The following MED13L variants were observed in gnomAD, a reference collection of about 807,000 sequenced individuals.
MED13L encodes mediator complex subunit 13L, also known as mediator of RNA polymerase II transcription subunit 13-like.
MED13L carries 7 observed loss-of-function variants against 220.9 expected under a neutral mutation model. The ratio of observed to expected loss-of-function variants is 0.03; its 90% CI spans 0.02 to 0.06. The LOEUF (loss-of-function observed/expected upper bound fraction) is 0.06. MED13L is among the 10% of genes least tolerant of loss of function. The pLI is 1.00. For synonymous variants in MED13L, 1,011 were observed against 1,015.2 expected (o/e 1.00, Z 0.08); for missense variants, 1,965 against 2,760.5 (o/e 0.71, Z 6.46).
At chr12:116,042,582 C>T (rs1268774042) in intron 4 of MED13L, among the ~76,000 whole-genome samples, 6 of 152,138 alleles carry the variant, frequency 3.9e-5, no homozygotes, top group Admixed American at 6.5e-5. Flanking sequence ...CTAGTAAAGC[C>T]ACATATACAT....
chr12:116,145,815 G>C (rs973295662), intron 2 of MED13L, among the ~76,000 whole-genome samples: 2 of 151,812 alleles, frequency 1.3e-5, no homozygotes, highest in African/African-American at 4.8e-5. Context: ...CTAGGTGACA[G>C]CCACTGTGCC....
chr12:116,145,149 C>T (rs1877369126), intron 2 of MED13L, among the ~76,000 whole-genome samples: 1 of 152,160 alleles, frequency 6.6e-6, no homozygotes, highest in South Asian at 2.1e-4. Flanking sequence ...AGCGAAACTT[C>T]CACCTACCAT....
chr12:116,007,802 T>C (rs1413400237), intron 10 of MED13L, 166 bp from the exon 11 acceptor site: 1 of 650,998 alleles, frequency 1.5e-6, no homozygotes, highest in Non-Finnish European at 2.6e-6. Context: ...CAAGAATATA[T>C]GTTTTTGTCT....
intron 1 of MED13L, among the ~76,000 whole-genome samples, chr12:116,244,028 G>C (rs1870880524): frequency 6.6e-6 from 1 of 152,152 alleles, no homozygotes; most frequent in South Asian, 2.1e-4. Flanking sequence ...GGAAACTATT[G>C]AAAGAGTCCT....
chr12:116,133,511 T>A lies in MED13L; in HGVS notation c.311-21999A>T, dbSNP rs531762090. 1.1e-4 allele frequency among the ~76,000 whole-genome samples: 16 copies of A among 152,220 alleles called. 1 individual carries two copies. The South Asian group carries it at 2.1e-3, about 20-fold the overall frequency. On this transcript the variant is annotated intron_variant, in intron 2 of 30. Coordinates refer to ENST00000281928, the MANE Select transcript of MED13L (RefSeq NM_015335.5). ...TAACGGGCTCTAGGACCATGGTAAC[T>A]CATGTGAGGCCCCTAGATATAGGCA...
At position 116,149,793 on chromosome 12, in the gene MED13L, G is replaced by A. The variant is rs188508742; in HGVS notation, c.311-38281C>T. The stretch of plus-strand genomic sequence containing the variant: ...CATTGAGAATGGTTTGGCTAGAGAT[G>A]AGTAAGTGGACATTAAGTTCCTTTC... On this transcript the variant is annotated intron_variant, in intron 2 of 30. Transcript: ENST00000281928. 2.6e-3 allele frequency among the ~76,000 whole-genome samples: 396 copies of A among 152,328 alleles called. 1 individual carries two copies. Among genetic ancestry groups the A allele is most frequent in the Middle Eastern group, 0.01 (3 of 294 alleles).
chr12:116,084,956 C>A (rs1283978145), intron 4 of MED13L, among the ~76,000 whole-genome samples: 2 of 152,088 alleles, frequency 1.3e-5, no homozygotes, highest in Non-Finnish European at 2.9e-5. Flanking sequence ...CATGGACATA[C>A]TTTTAGCCAA....
chr12:115,983,093 C>T (rs1364740943), intron 21 of MED13L, 24 bp downstream of exon 21: 1 of 1,610,896 alleles, frequency 6.2e-7, no homozygotes, highest in Middle Eastern at 1.7e-4. Context: ...TGAAGCCACT[C>T]ATCTCAATTA....
chr12:116,193,031 C>CA (rs1881380861), intron 2 of MED13L, among the ~76,000 whole-genome samples: 2 of 152,070 alleles, frequency 1.3e-5, no homozygotes, highest in African/African-American at 4.8e-5. Flanking sequence ...AGGGGGCTGA[C>CA]AGAGGAAAAT....
chr12:115,983,026 G>A, intron 21 of MED13L, 91 bp downstream of exon 21: 1 of 1,384,020 alleles, frequency 7.2e-7, no homozygotes, highest in South Asian at 1.2e-5. Flanking sequence ...AGGATTCACA[G>A]AATCATGAGG....
chr12:116,005,749 C>G (rs1879009210), intron 13 of MED13L, 120 bp downstream of exon 13: 22 of 1,301,310 alleles, frequency 1.7e-5, no homozygotes, highest in Non-Finnish European at 2.4e-5. Flanking sequence ...AAAGAACATT[C>G]AGAACCTGAA....
At chr12:115,979,746 T>C (rs1376922829) in intron 23 of MED13L, among the ~76,000 whole-genome samples, 4 of 152,266 alleles carry the variant, frequency 2.6e-5, no homozygotes, top group Middle Eastern at 3.2e-3. Flanking sequence ...CTTTTACTAA[T>C]GGGATACTTT....
chr12:115,974,639 A>C (rs1051832767), intron 25 of MED13L, among the ~76,000 whole-genome samples: 3 of 152,224 alleles, frequency 2.0e-5, no homozygotes, highest in African/African-American at 7.2e-5. Context: ...TGCTCTTGTA[A>C]GCTTCCAGGC....
intron 3 of MED13L, among the ~76,000 whole-genome samples, chr12:116,107,773 T>TA (rs1873704812): frequency 6.6e-6 from 1 of 152,232 alleles, no homozygotes; most frequent in East Asian, 1.9e-4. Context: ...CTCCAAGTGA[T>TA]AAAGTCCTTG....
Position 116,008,501 on chromosome 12 carries a change from G to A in MED13L, c.1912C>T (p.Leu638Phe). 1 of 1,613,816 alleles carries A rather than the reference G, an allele frequency of 6.2e-7. No individual in the cohort carries two copies. The highest frequency in any genetic ancestry group is 8.5e-7 in the Non-Finnish European group (1 of 1,179,980). ...SSEKWWHSYR[L>F]PPSDDAEFRP... ...AACTCAGCATCATCACTGGGTGGGA[G>A]ACGATAACTATGCCACCACTTTTCT... The change falls in exon 10 of 31, where the codon CTC becomes TTC. Residue 638 changes from leucine (L) to phenylalanine (F), a missense_variant. Leu to Phe is a conservative substitution (Grantham distance 22). Around this residue, in one of 10 missense-constraint regions of MED13L, gnomAD observed 818 missense variants for 1,041.2 expected, o/e 0.79. Transcript: ENST00000281928.
At chr12:115,985,609 G>T (rs1232001974) in intron 19 of MED13L, among the ~76,000 whole-genome samples, 2 of 152,020 alleles carry the variant, frequency 1.3e-5, no homozygotes, top group African/African-American at 4.8e-5. Context: ...TATATACTTT[G>T]GCATAAGAAA....
intron 16 of MED13L, among the ~76,000 whole-genome samples, chr12:115,994,456 A>C (rs970064933): frequency 7.3e-5 from 11 of 151,248 alleles, no homozygotes; most frequent in Middle Eastern, 3.5e-3. Context: ...TCTCCAAAAA[A>C]CCCCCCCAAA....
chr12:116,170,773 G>A (rs1008275122), intron 2 of MED13L, among the ~76,000 whole-genome samples: 9 of 151,856 alleles, frequency 5.9e-5, no homozygotes, highest in Admixed American at 1.3e-4. Context: ...GCTAATTTTT[G>A]TATTTTTATT....
chr12:115,991,697 G>C lies in MED13L; in HGVS notation c.3257C>G (p.Pro1086Arg), dbSNP rs765954704. The change falls in exon 17 of 31, where the codon CCC becomes CGC. Residue 1086 changes from proline to arginine, a missense_variant. Pro to Arg is a moderately radical substitution (Grantham distance 103). Transcript: ENST00000281928. This position sits in a 1 kb window ranked among gnomAD's most constrained non-coding sequence, Gnocchi z 7.7. ...STDQGSPASTPSTTRPLNSVE... is the reference protein window; with the variant it reads ...STDQGSPASTRSTTRPLNSVE... ...AGAGTTGAGGGGCCGTGTAGTAGAG[G>C]GGGTGGAGGCTGGTGATCCTTGATC... 5.0e-6 allele frequency: 8 copies of C among 1,613,820 alleles called. No homozygotes were observed. Among genetic ancestry groups the C allele is most frequent in the East Asian group, 2.2e-5 (1 of 44,844 alleles).
Sources: gnomAD v4.1 joint callset for allele counts (sites outside exome capture counted in the v4.1 genomes callset) on GRCh38, gnomAD v4.1.1 for gene constraint, gnomAD v4.1.1 regional missense constraint, Gnocchi (gnomAD v3.1) non-coding constraint, MANE v1.5 for transcripts, NCBI Gene and HGNC (gene_info 2026-07-23, HGNC 2026-07-21) for gene names.